TULP2: variants seen among roughly 807,000 people sequenced by gnomAD.
The protein encoded by TULP2 is TUB like protein 2.
TULP2 carries 64 observed loss-of-function variants against 60.3 expected under a neutral mutation model. The ratio of observed to expected loss-of-function variants is 1.06; its 90% CI spans 0.87 to 1.31. The LOEUF (loss-of-function observed/expected upper bound fraction) is 1.31, where lower values mean the gene tolerates loss of function less well. Among genes scored for constraint, TULP2 ranks in the 50% most tolerant of loss-of-function variants. TULP2 has a pLI of 0.00. For synonymous variants in TULP2, 267 were observed against 265.4 expected (o/e 1.01, Z -0.06); for missense variants, 652 against 667.0 (o/e 0.98, Z 0.25).
rs940487175 is a variant in TULP2, at chr19:48,883,608, G to T, written c.1275+146C>A. 1.9e-5 allele frequency: 14 copies of T among 752,218 alleles called. No homozygotes were observed. The African/African-American group carries it at 2.5e-4, about 13-fold the overall frequency. 46.6% of individuals were successfully genotyped at this position (752,218 alleles called of 1,614,324 possible). ...TCTTTTACTCCCTGAGACATGGAAG[G>T]CTAACAAAGTCCTTCAGGCTTCATG... On this transcript the variant is annotated intron_variant, in intron 11 of 12. Coordinates refer to ENST00000221399, the MANE Select transcript of TULP2 (RefSeq NM_003323.3).
chr19:48,888,835 T>C (rs992103933), intron 7 of TULP2, among the ~76,000 whole-genome samples: 9 of 152,260 alleles, frequency 5.9e-5, no homozygotes, highest in African/African-American at 1.9e-4. Flanking sequence ...TTGGCCAAGC[T>C]GGTCTGGAAC....
chr19:48,897,232 A>T lies in TULP2; in HGVS notation c.84+113T>A. 2 of 1,196,886 alleles carry T rather than the reference A, an allele frequency of 1.7e-6. No individual in the cohort carries two copies. Among genetic ancestry groups the T allele is most frequent in the Non-Finnish European group, 2.4e-6 (2 of 823,770 alleles). The allele number at this position is 1,196,886 out of a possible 1,614,324, so 74.1% of individuals were successfully genotyped here. A position where few individuals can be genotyped will look rare whatever the true frequency, so the allele number is the denominator to read the frequency against. On this transcript the variant is annotated intron_variant, in intron 3 of 12. Transcript: ENST00000221399. This position sits in a 1 kb window ranked among gnomAD's most constrained non-coding sequence, Gnocchi z 4.0. ...CATTTCTCAGTGGGAAAACTCAAGGATGAGAGACAGCCAACACGGGCTGGG... is the reference window on the plus strand; with the variant it reads ...CATTTCTCAGTGGGAAAACTCAAGGTTGAGAGACAGCCAACACGGGCTGGG...
chr19:48,894,158 G>C (rs1160805232), intron 6 of TULP2, among the ~76,000 whole-genome samples: 1 of 151,780 alleles, frequency 6.6e-6, no homozygotes, highest in Non-Finnish European at 1.5e-5. Context: ...TTGGCCTCCG[G>C]AGTATCTGGG....
intron 11 of TULP2, among the ~76,000 whole-genome samples, chr19:48,883,351 T>C (rs1267191764): frequency 1.3e-5 from 2 of 151,912 alleles, no homozygotes; most frequent in African/African-American, 4.8e-5. Context: ...GAAATAACCA[T>C]AAAAATAGCC....
chr19:48,889,828 C>G (rs1017354162), intron 6 of TULP2, among the ~76,000 whole-genome samples, 197 bp from the exon 7 acceptor site: 1 of 152,172 alleles, frequency 6.6e-6, no homozygotes, highest in African/African-American at 2.4e-5. Context: ...GGATTAAGGG[C>G]GGTGCAAGAT....
chr19:48,884,100 T>TC, intron 9 of TULP2, 54 bp from the exon 10 acceptor site: 1 of 1,430,022 alleles, frequency 7.0e-7, no homozygotes, highest in Non-Finnish European at 9.8e-7. Context: ...ACTCTTTGAG[T>TC]AAGTGTCACT....
chr19:48,896,472 A>G lies in TULP2; in HGVS notation c.169T>C (p.Trp57Arg), dbSNP rs2037282799. 6.2e-7 allele frequency: 1 copy of G among 1,611,484 alleles called. No homozygotes were observed. Among genetic ancestry groups the G allele is most frequent in the Non-Finnish European group, 8.5e-7 (1 of 1,179,130 alleles). ...QANPDASPWLWRSCLREERLL... is the reference protein window; with the variant it reads ...QANPDASPWLRRSCLREERLL... ...CGCTCCTCCCGCAGACAAGAGCGCCAAAGCCACGGGGAAGCGTCAGGATTG... is the reference window on the plus strand; with the variant it reads ...CGCTCCTCCCGCAGACAAGAGCGCCGAAGCCACGGGGAAGCGTCAGGATTG... The change falls in exon 4 of 13, where the codon TGG becomes CGG. Residue 57 changes from tryptophan to arginine, a missense_variant. Physicochemically the swap from Trp to Arg is moderately radical, Grantham distance 101 (BLOSUM62 -3). Transcript: ENST00000221399.
intron 12 of TULP2, among the ~76,000 whole-genome samples, chr19:48,881,501 C>T (rs1342287238): frequency 6.6e-6 from 1 of 151,618 alleles, no homozygotes; most frequent in Non-Finnish European, 1.5e-5. Flanking sequence ...CCTGCCTCAG[C>T]CTCCTGATTA....
intron 7 of TULP2, among the ~76,000 whole-genome samples, chr19:48,889,136 C>G (rs2037209804): frequency 6.6e-6 from 1 of 151,954 alleles, no homozygotes; most frequent in South Asian, 2.1e-4. Flanking sequence ...GCCACCACAC[C>G]TGGCTAATTT....
intron 6 of TULP2, among the ~76,000 whole-genome samples, chr19:48,893,336 T>C (rs1440128572): frequency 6.7e-6 from 1 of 150,036 alleles, no homozygotes; most frequent in Non-Finnish European, 1.5e-5. Flanking sequence ...CGCCATTGCA[T>C]TCCAGCCTGG....
chr19:48,888,091 C>A lies in TULP2; in HGVS notation c.807G>T (p.Glu269Asp). Residue 269 changes from glutamate (E) to aspartate (D), a missense_variant, in exon 8 of 13, where the codon GAG becomes GAT. Coordinates refer to ENST00000221399, the MANE Select transcript of TULP2 (RefSeq NM_003323.3). ...GCAGCACGTAGGCTTCCATGTCCTC[C>A]TCCAGCCCAGGGCAGGGGGAGCGGA... The part of the protein sequence containing the change: ...LAIRSPCPGL[E>D]EDMEAYVLRP... 1 of 1,614,192 alleles carries A rather than the reference C, an allele frequency of 6.2e-7. No individual in the cohort carries two copies.
Position 48,897,686 on chromosome 19 carries a change from T to C in TULP2, c.32+151A>G. 1 of 936,308 alleles carries C rather than the reference T, an allele frequency of 1.1e-6. No individual in the cohort carries two copies. The highest frequency in any genetic ancestry group is 1.7e-6 in the Non-Finnish European group (1 of 582,450). The allele number at this position is 936,308 out of a possible 1,614,324, so 58.0% of individuals were successfully genotyped here. A position where few individuals can be genotyped will look rare whatever the true frequency, so the allele number is the denominator to read the frequency against. ...CCCAGAAGTCTGCACCCTAGCCCCA[T>C]CCCTTCAGGACACAGGAGTCCAGGT... On this transcript the variant is annotated intron_variant, in intron 2 of 12. Coordinates refer to ENST00000221399, the MANE Select transcript of TULP2 (RefSeq NM_003323.3). This position sits in a 1 kb window ranked among gnomAD's most constrained non-coding sequence, Gnocchi z 4.0.
intron 6 of TULP2, among the ~76,000 whole-genome samples, chr19:48,894,200 T>TTTTTGTA (rs2037258044): frequency 6.6e-6 from 1 of 152,052 alleles, no homozygotes; most frequent in Non-Finnish European, 1.5e-5. Flanking sequence ...GCCTGGCTAA[T>TTTTTGTA]TTTTGTATTT....
intron 7 of TULP2, among the ~76,000 whole-genome samples, chr19:48,889,177 C>T (rs1331557636): frequency 6.7e-6 from 1 of 149,542 alleles, no homozygotes; most frequent in Non-Finnish European, 1.5e-5. Context: ...GGTTTCACCA[C>T]GTTGGCCAGG....
chr19:48,896,723 T>G, intron 3 of TULP2, 167 bp from the exon 4 acceptor site: 3 of 766,922 alleles, frequency 3.9e-6, no homozygotes, highest in Non-Finnish European at 5.9e-6. Flanking sequence ...TCCTCCCTTA[T>G]TCCACCGTTG....
chr19:48,898,120 C>T (rs1192619024), intron 1 of TULP2, among the ~76,000 whole-genome samples: 3 of 151,794 alleles, frequency 2.0e-5, no homozygotes, highest in East Asian at 1.9e-4. Flanking sequence ...TACAGGCGTC[C>T]GCTATTCTGC....
chr19:48,881,061 G>A lies in TULP2; in HGVS notation c.1513C>T (p.Pro505Ser). The change falls in exon 13 of 13, where the codon CCA (proline) becomes TCA (serine). Residue 505 changes from proline to serine, a missense_variant. Transcript: ENST00000221399. The stretch of plus-strand genomic sequence containing the variant: ...CTGAAGGCCTGGAGCGGGCTAAATG[G>A]AAAGCAGAAGTCCATGGTGAATGTG... ...PDTFTMDFCF[P>S]FSPLQAFSIC... 6.2e-7 allele frequency: 1 copy of A among 1,614,036 alleles called. No individual in the cohort carries two copies. Among genetic ancestry groups the A allele is most frequent in the Non-Finnish European group, 8.5e-7 (1 of 1,179,990 alleles).
At position 48,891,323 on chromosome 19, in the gene TULP2, C is replaced by CAA. The variant is rs58111671; in HGVS notation, c.515-1694_515-1693dup. On this transcript the variant is annotated intron_variant, in intron 6 of 12. Coordinates refer to ENST00000221399, the MANE Select transcript of TULP2 (RefSeq NM_003323.3). Reference sequence around the variant, plus strand: ...TGGGCAACAGGGCGAGACTCCGTCTCAAAAAAAAAAAAAAAATTTGTTAGG... The same window carrying CAA: ...TGGGCAACAGGGCGAGACTCCGTCTCAAAAAAAAAAAAAAAAAATTTGTTAGG... Among the ~76,000 whole-genome samples the CAA allele has an allele frequency of 3.6e-3, 443 of 122,984 alleles. 1 individual carries two copies. The highest frequency in any genetic ancestry group is 0.011 in the African/African-American group (343 of 30,928). The allele number at this position is 122,984 out of a possible 152,430, so 80.7% of individuals were successfully genotyped here.
At chr19:48,893,251 C>T (rs1271980816) in intron 6 of TULP2, among the ~76,000 whole-genome samples, 1 of 151,802 alleles carries the variant, frequency 6.6e-6, no homozygotes, top group African/African-American at 2.4e-5. Flanking sequence ...GCGCCTGTAA[C>T]CCCAGCTACT....
Sources: gnomAD v4.1 joint callset for allele counts (sites outside exome capture counted in the v4.1 genomes callset) on GRCh38, gnomAD v4.1.1 for gene constraint, Gnocchi (gnomAD v3.1) non-coding constraint, MANE v1.5 for transcripts, NCBI Gene and HGNC (gene_info 2026-07-23, HGNC 2026-07-21) for gene names.